Variants in LDLRAP1 observed in about 807,000 individuals in gnomAD.
LDLRAP1 encodes the protein low density lipoprotein receptor adaptor protein 1.
LDLRAP1 carries 30 observed loss-of-function variants against 37.8 expected under a neutral mutation model. The ratio of observed to expected loss-of-function variants is 0.79; its 90% CI spans 0.59 to 1.08. LDLRAP1 has a LOEUF of 1.08. Among genes scored for constraint, LDLRAP1 ranks in the 50% least tolerant of loss-of-function variants. The pLI is 0.00. For synonymous variants in LDLRAP1, 156 were observed against 169.8 expected (o/e 0.92, Z 0.63); for missense variants, 375 against 401.6 (o/e 0.93, Z 0.57).
the LDLRAP1 span, among the ~76,000 whole-genome samples, chr1:25,576,481 G>A: frequency 5.3e-5 from 8 of 152,190 alleles, no homozygotes; most frequent in South Asian, 2.1e-4. Context: ...AGCCGAGACC[G>A]TGCCACTGCG....
the LDLRAP1 span, among the ~76,000 whole-genome samples, chr1:25,576,302 G>GCA: frequency 3.3e-5 from 5 of 152,186 alleles, no homozygotes; most frequent in South Asian, 1.0e-3. Context: ...GAAAGCAGGT[G>GCA]GATCGCTTGA....
chr1:25,566,791 C>T (rs974903637), intron 8 of LDLRAP1, 57 bp from the exon 9 acceptor site: 1 of 1,575,180 alleles, frequency 6.3e-7, no homozygotes, highest in East Asian at 2.4e-5. Context: ...TCGCGTCTGA[C>T]CCTGGGGCGC....
chr1:25,556,391 T>TTGC (rs2044200554), intron 3 of LDLRAP1, among the ~76,000 whole-genome samples: 2 of 151,868 alleles, frequency 1.3e-5, no homozygotes. Flanking sequence ...GCAGAGGGAG[T>TTGC]TGCTGTGTGT....
chr1:25,543,617 C>G lies in LDLRAP1; in HGVS notation c.-82C>G, dbSNP rs544546165. 3 of 1,004,134 alleles carry G rather than the reference C, an allele frequency of 3.0e-6. No homozygotes were observed. The highest frequency in any genetic ancestry group is 3.8e-6 in the Non-Finnish European group (3 of 789,944). The allele number at this position is 1,004,134 out of a possible 1,614,324, so 62.2% of individuals were successfully genotyped here. A position where few individuals can be genotyped will look rare whatever the true frequency, so the allele number is the denominator to read the frequency against. On this transcript the variant is annotated 5_prime_UTR_variant, in exon 1 of 9. Transcript: ENST00000374338. ...GCGCTGGGAGGGGAGGAGCGCGCAG[C>G]CCGCGCGCCGCAGGGCCGGGCGGAA...
rs1463912654 is a variant in LDLRAP1, at chr1:25,554,948, T to A, written c.320T>A (p.Leu107His). 6.2e-7 allele frequency: 1 copy of A among 1,614,018 alleles called. No individual in the cohort carries two copies. The highest frequency in any genetic ancestry group is 1.3e-5 in the African/African-American group (1 of 74,918). ...IILTDNLTNQ[L>H]IENVSIYRIS... is the part of the protein sequence containing the mutation. ...CTGACAGACAACCTCACCAACCAGC[T>A]CATTGAGAACGTGTCCATATACAGG... The change falls in exon 3 of 9, where the codon CTC (leucine) becomes CAC (histidine). Residue 107 changes from leucine to histidine, a missense_variant. Leu to His is a moderately conservative substitution (Grantham distance 99). Coordinates refer to ENST00000374338, the MANE Select transcript of LDLRAP1 (RefSeq NM_015627.3). This position sits in a 1 kb window ranked among gnomAD's most constrained non-coding sequence, Gnocchi z 5.4.
downstream of LDLRAP1, among the ~76,000 whole-genome samples, chr1:25,573,090 C>T (rs920973907): frequency 2.5e-5 from 1 of 40,222 alleles, no homozygotes; most frequent in Non-Finnish European, 4.8e-5. Context: ...GGCTGCTTTG[C>T]GGGGCGGGGG....
the LDLRAP1 span, among the ~76,000 whole-genome samples, chr1:25,575,694 G>A: frequency 9.2e-5 from 14 of 152,164 alleles, no homozygotes; most frequent in Non-Finnish European, 1.3e-4. Flanking sequence ...CTGTAGAGGC[G>A]GGACCGGCGT....
intron 8 of LDLRAP1, among the ~76,000 whole-genome samples, chr1:25,565,633 G>A (rs2044459597): frequency 6.6e-6 from 1 of 152,076 alleles, no homozygotes; most frequent in South Asian, 2.1e-4. Context: ...AGCTCGTGAA[G>A]CGTTCCATAG....
chr1:25,583,193 T>C, the LDLRAP1 span, among the ~76,000 whole-genome samples: 11 of 116,276 alleles, frequency 9.5e-5, 1 homozygote, highest in South Asian at 3.1e-3. Flanking sequence ...TTTTTGGGGA[T>C]TTTTTTTTTT....
downstream of LDLRAP1, among the ~76,000 whole-genome samples, chr1:25,569,973 GGCCACTCTCTTCAGGTTCTTTCA>G (rs1169850511): frequency 6.6e-6 from 1 of 152,210 alleles, no homozygotes; most frequent in African/African-American, 2.4e-5. Flanking sequence ...CTCACAGAAA[GGCCACTCTCTTCAGGTTCTTTCA>G]GCCACTCTCC....
At chr1:25,585,734 C>T in the LDLRAP1 span, among the ~76,000 whole-genome samples, 14 of 152,306 alleles carry the variant, frequency 9.2e-5, no homozygotes, top group Admixed American at 9.1e-4. Flanking sequence ...GTCTGTCCTG[C>T]CCCTACCCAC....
In LDLRAP1 at chr1:25,563,757, G is replaced by A. The variant is rs148579379; in HGVS notation, c.713G>A (p.Arg238Gln). 4.1e-4 allele frequency: 665 copies of A among 1,613,998 alleles called. 1 individual carries two copies. The African/African-American group carries it at 7.9e-3, about 19-fold the overall frequency. ...ANTTNMDEVP[R>Q]PQALSGSSVV... Reference sequence around the variant, plus strand: ...ACCACCAACATGGACGAGGTGCCGCGGCCACAAGCCTTGAGTGGCAGCAGT... The same window carrying A: ...ACCACCAACATGGACGAGGTGCCGCAGCCACAAGCCTTGAGTGGCAGCAGT... Residue 238 changes from arginine (R) to glutamine (Q), a missense_variant, in exon 7 of 9, where the codon CGG (arginine) becomes CAG (glutamine). Physicochemically the swap from Arg to Gln is conservative, Grantham distance 43. Transcript: ENST00000374338.
At chr1:25,550,922 CT>C (rs2044056717) in intron 1 of LDLRAP1, among the ~76,000 whole-genome samples, 1 of 152,000 alleles carries the variant, frequency 6.6e-6, no homozygotes, top group Admixed American at 6.6e-5. Flanking sequence ...GGCTTTGGTT[CT>C]TTGGAATGGA....
Position 25,554,881 on chromosome 1 carries a change from C to A in LDLRAP1, c.253C>A (p.Leu85Met). The stretch of plus-strand genomic sequence containing the variant: ...CAAGGCTAAGGCCAGTGGGAAGAAG[C>A]TGCAGAAGGTGACTCTGAAGGTGTC... ...VATAKASGKK[L>M]QKVTLKVSPR... Residue 85 changes from leucine to methionine, a missense_variant, in exon 3 of 9, where the codon CTG (leucine) becomes ATG (methionine). Physicochemically the swap from Leu to Met is conservative, Grantham distance 15. Coordinates refer to ENST00000374338, the MANE Select transcript of LDLRAP1 (RefSeq NM_015627.3). This position sits in a 1 kb window ranked among gnomAD's most constrained non-coding sequence, Gnocchi z 5.4. 6.2e-7 allele frequency: 1 copy of A among 1,614,162 alleles called. No homozygotes were observed. Among genetic ancestry groups the A allele is most frequent in the South Asian group, 1.1e-5 (1 of 91,060 alleles).
the LDLRAP1 span, among the ~76,000 whole-genome samples, chr1:25,585,482 C>T: frequency 8.9e-3 from 1,350 of 152,192 alleles, 20 homozygotes; most frequent in African/African-American, 0.03. Context: ...CCTGCCACCA[C>T]GCCTGGCTAA....
the LDLRAP1 span, among the ~76,000 whole-genome samples, chr1:25,589,078 G>A: frequency 6.6e-6 from 1 of 152,012 alleles, no homozygotes; most frequent in Non-Finnish European, 1.5e-5. Flanking sequence ...CCGAGGCGGG[G>A]GGATCACCTG....
At chr1:25,580,954 A>C in the LDLRAP1 span, among the ~76,000 whole-genome samples, 1,273 of 152,284 alleles carry the variant, frequency 8.4e-3, 12 homozygotes, top group African/African-American at 0.029. Flanking sequence ...CGGAAGGCTC[A>C]GAACCAGGCT....
chr1:25,577,260 G>T, the LDLRAP1 span, among the ~76,000 whole-genome samples: 5 of 152,202 alleles, frequency 3.3e-5, no homozygotes, highest in Non-Finnish European at 7.3e-5. Flanking sequence ...GAGCTGAGGA[G>T]AGCCTTGCTG....
Position 25,567,058 on chromosome 1 carries a change from G to A in LDLRAP1, c.*66G>A. ...ATGGACCAAAGCCACCTGCTGCGGG[G>A]GAGCCAGTTCTGGGGCCCGCCTGCC... On this transcript the variant is annotated 3_prime_UTR_variant, in exon 9 of 9. Coordinates refer to ENST00000374338, the MANE Select transcript of LDLRAP1 (RefSeq NM_015627.3). 1 of 1,603,850 alleles carries A rather than the reference G, an allele frequency of 6.2e-7. No homozygotes were observed. Among genetic ancestry groups the A allele is most frequent in the East Asian group, 2.2e-5 (1 of 44,784 alleles).
Sources: gnomAD v4.1 joint callset for allele counts (sites outside exome capture counted in the v4.1 genomes callset) on GRCh38, gnomAD v4.1.1 for gene constraint, Gnocchi (gnomAD v3.1) non-coding constraint, MANE v1.5 for transcripts, NCBI Gene and HGNC (gene_info 2026-07-23, HGNC 2026-07-21) for gene names.